PALB2: variants seen among roughly 807,000 people sequenced by gnomAD.
The protein encoded by PALB2 is mutant partner and localizer of BRCA2.
PALB2 carries 82 observed loss-of-function variants against 107.4 expected under a neutral mutation model. That is an observed-to-expected ratio of 0.76 (90% CI 0.64 to 0.92). The LOEUF (loss-of-function observed/expected upper bound fraction) is 0.92, where lower values mean the gene tolerates loss of function less well. Ranked by LOEUF, PALB2 falls within the 40% of genes least tolerant of loss-of-function variation. PALB2 has a pLI of 0.00. For synonymous variants in PALB2, 489 were observed against 496.8 expected (o/e 0.98, Z 0.21); for missense variants, 1,374 against 1,379.9 (o/e 1.00, Z 0.07).
chr16:23,620,250 T>A (rs1966749732), intron 10 of PALB2, among the ~76,000 whole-genome samples: 1 of 152,218 alleles, frequency 6.6e-6, no homozygotes, highest in Non-Finnish European at 1.5e-5. Context: ...AAAGGGTCAA[T>A]CAAATATTTA....
At chr16:23,608,131 A>G in intron 11 of PALB2, 119 bp from the exon 12 acceptor site, 1 of 1,121,298 alleles carries the variant, frequency 8.9e-7, no homozygotes, top group Non-Finnish European at 1.3e-6. Flanking sequence ...GCTCTGAAGT[A>G]TCCAGGATTT....
chr16:23,605,821 T>C (rs1177234848), intron 12 of PALB2: 1 of 152,210 alleles, frequency 6.6e-6, no homozygotes, highest in East Asian at 1.9e-4. Flanking sequence ...TGAGAAGTGA[T>C]TGGTGGTTTT....
At chr16:23,617,541 A>G (rs1966704844) in intron 10 of PALB2, 1 of 151,406 alleles carries the variant, frequency 6.6e-6, no homozygotes, top group Non-Finnish European at 1.5e-5. Flanking sequence ...GCAACATGGG[A>G]AGACCCTGTC....
At chr16:23,633,033 G>A (rs1372935346) in intron 4 of PALB2, among the ~76,000 whole-genome samples, 2 of 152,198 alleles carry the variant, frequency 1.3e-5, no homozygotes, top group Non-Finnish European at 2.9e-5. Flanking sequence ...GGCAGAGGTT[G>A]CAGTGAGCTG....
In PALB2 at chr16:23,629,560, C is replaced by T. The variant is rs1001528709; in HGVS notation, c.2514+80G>A. ...ATTCTTAAACGTGGAAGGCCCAATG[C>T]GCAAGCAAGTCATGCTGTTTACATT... On this transcript the variant is annotated intron_variant, in intron 5 of 12. Coordinates refer to ENST00000261584, the MANE Select transcript of PALB2 (RefSeq NM_024675.4). The T allele has an allele frequency of 8.9e-5, 123 of 1,385,946 alleles. No individual in the cohort carries two copies. The East Asian group carries it at 1.6e-3, about 18-fold the overall frequency. The allele number at this position is 1,385,946 out of a possible 1,614,324, so 85.9% of individuals were successfully genotyped here. A position where few individuals can be genotyped will look rare whatever the true frequency, so the allele number is the denominator to read the frequency against.
chr16:23,638,578 A>C (rs1967124052), intron 1 of PALB2: 1 of 456,632 alleles, frequency 2.2e-6, no homozygotes, highest in Admixed American at 2.4e-5. Context: ...TTAATGGTCC[A>C]GGTATCTCTA....
In PALB2 at chr16:23,636,331, G is replaced by A. The variant is rs1967062090; in HGVS notation, c.215C>T (p.Pro72Leu). The stretch of plus-strand genomic sequence containing the variant: ...GTCATAAACACATATTTTATTTTTA[G>A]GTTCTGAGGAGGAAAAAAATGTATA... ...DLSPQLKHSE[P>L]KNKICVYDKL... The change falls in exon 4 of 13, where the codon CCT becomes CTT. Residue 72 changes from proline (P) to leucine (L), a missense_variant. Coordinates refer to ENST00000261584, the MANE Select transcript of PALB2 (RefSeq NM_024675.4). The A allele has an allele frequency of 6.3e-7, 1 of 1,596,306 alleles. No individual in the cohort carries two copies. Among genetic ancestry groups the A allele is most frequent in the Non-Finnish European group, 8.5e-7 (1 of 1,171,206 alleles).
intron 4 of PALB2, among the ~76,000 whole-genome samples, chr16:23,631,277 C>A: frequency 1.2e-5 from 1 of 80,948 alleles, no homozygotes. Context: ...GAGACTCTGT[C>A]TCAAAAAAAA....
chr16:23,613,865 A>T, intron 11 of PALB2, 139 bp downstream of exon 11: 1 of 692,274 alleles, frequency 1.4e-6, no homozygotes, highest in Admixed American at 2.3e-5. Flanking sequence ...CTAAATTTCA[A>T]GAAAGGACAA....
Position 23,629,856 on chromosome 16 carries a change from T to C in PALB2, c.2298A>G (p.Ser766=), listed in dbSNP as rs754921518. The change falls in exon 5 of 13, where the codon TCA becomes TCG. Residue 766 remains serine (S), a synonymous_variant. Coordinates refer to ENST00000261584, the MANE Select transcript of PALB2 (RefSeq NM_024675.4). ...GTTTAGTATCACTGGCAAGACAGACTGAGTCTTTCAAATGAGCAAGTTGGG... is the reference window on the plus strand; with the variant it reads ...GTTTAGTATCACTGGCAAGACAGACCGAGTCTTTCAAATGAGCAAGTTGGG... The part of the protein sequence containing the change: ...CTPQLAHLKD[S]VCLASDTKQF... 3.1e-6 allele frequency: 5 copies of C among 1,614,060 alleles called. No homozygotes were observed. The South Asian group carries it at 4.4e-5, about 14-fold the overall frequency.
intron 12 of PALB2, chr16:23,607,346 T>C (rs1213601265): frequency 6.2e-6 from 1 of 160,354 alleles, no homozygotes; most frequent in African/African-American, 2.5e-5. Flanking sequence ...TTGAGTGAAG[T>C]GGTATGATTT....
intron 7 of PALB2, among the ~76,000 whole-genome samples, chr16:23,625,087 C>T (rs1296187217): frequency 1.3e-5 from 2 of 149,988 alleles, no homozygotes; most frequent in South Asian, 2.1e-4. Flanking sequence ...AACCCCAGCA[C>T]TTTGGGAAGC....
At chr16:23,609,840 A>G (rs1966554064) in intron 11 of PALB2, among the ~76,000 whole-genome samples, 2 of 152,118 alleles carry the variant, frequency 1.3e-5, no homozygotes, top group South Asian at 2.1e-4. Context: ...TTGGGGGGAT[A>G]GGGTCTCACT....
In PALB2 at chr16:23,629,858, A is replaced by G. The variant is rs1597089461; in HGVS notation, c.2296T>C (p.Ser766Pro). Residue 766 changes from serine to proline, a missense_variant, in exon 5 of 13, where the codon TCA (serine) becomes CCA (proline). Physicochemically the swap from Ser to Pro is moderately conservative, Grantham distance 74 (BLOSUM62 -1). Transcript: ENST00000261584. ...TTAGTATCACTGGCAAGACAGACTGAGTCTTTCAAATGAGCAAGTTGGGGT... is the reference window on the plus strand; with the variant it reads ...TTAGTATCACTGGCAAGACAGACTGGGTCTTTCAAATGAGCAAGTTGGGGT... ...CTPQLAHLKD[S>P]VCLASDTKQF... 1.2e-6 allele frequency: 2 copies of G among 1,614,170 alleles called. No homozygotes were observed. The highest frequency in any genetic ancestry group is 1.7e-6 in the Non-Finnish European group (2 of 1,180,024).
chr16:23,608,823 CATAT>C (rs944406897), intron 11 of PALB2, among the ~76,000 whole-genome samples: 4 of 148,178 alleles, frequency 2.7e-5, no homozygotes, highest in African/African-American at 1.0e-4. Flanking sequence ...CACACACACA[CATAT>C]ATACAGATTT....
chr16:23,604,019 G>A (rs942047192), intron 12 of PALB2, among the ~76,000 whole-genome samples: 2 of 152,182 alleles, frequency 1.3e-5, no homozygotes, highest in South Asian at 2.1e-4. Context: ...CCAGCTCTTA[G>A]CATGGCTGAG....
chr16:23,621,102 C>T (rs1419732189), intron 10 of PALB2, among the ~76,000 whole-genome samples: 2 of 152,072 alleles, frequency 1.3e-5, no homozygotes, highest in Non-Finnish European at 2.9e-5. Context: ...CCCAGCTACT[C>T]GGGAGGCTGA....
Position 23,630,368 on chromosome 16 carries a change from C to T in PALB2, c.1786G>A (p.Gly596Arg), listed in dbSNP as rs1966866081. The T allele has an allele frequency of 6.2e-7, 1 of 1,614,072 alleles. No individual in the cohort carries two copies. The highest frequency in any genetic ancestry group is 8.5e-7 in the Non-Finnish European group (1 of 1,179,956). The change falls in exon 5 of 13, where the codon GGA becomes AGA. Residue 596 changes from glycine (G) to arginine (R), a missense_variant. Physicochemically the swap from Gly to Arg is moderately radical, Grantham distance 125. Transcript: ENST00000261584. ...DAFTAPFHRDGMLSLKQLLSF... is the reference protein window; with the variant it reads ...DAFTAPFHRDRMLSLKQLLSF... ...AGTAGTTGCTTTAAACTCAGCATTC[C>T]ATCCCTATGAAATGGAGCCGTGAAA... is the stretch of plus-strand genomic sequence containing the variant.
At chr16:23,614,741 C>T (rs1386245010) in intron 10 of PALB2, among the ~76,000 whole-genome samples, 1 of 147,034 alleles carries the variant, frequency 6.8e-6, no homozygotes. Flanking sequence ...AGCTCCGCCT[C>T]CCGGGTTCAC....
Sources: gnomAD v4.1 joint callset for allele counts (sites outside exome capture counted in the v4.1 genomes callset) on GRCh38, gnomAD v4.1.1 for gene constraint, MANE v1.5 for transcripts, NCBI Gene and HGNC (gene_info 2026-07-23, HGNC 2026-07-21) for gene names.